ARK2C: variants seen among roughly 807,000 people sequenced by gnomAD.
ARK2C encodes the protein E3 ubiquitin-protein ligase ARK2C.
chr18:46,427,084 A>G, the ARK2C span, among the ~76,000 whole-genome samples: 1 of 152,360 alleles, frequency 6.6e-6, no homozygotes, highest in South Asian at 2.1e-4. Flanking sequence ...CCCAGGGGGC[A>G]AGGTGGATGT....
At chr18:46,378,315 A>G in the ARK2C span, among the ~76,000 whole-genome samples, 3 of 152,166 alleles carry the variant, frequency 2.0e-5, no homozygotes, top group African/African-American at 7.2e-5. Flanking sequence ...CAGATGGGAA[A>G]ACCGAGGCTG....
chr18:46,402,433 C>G, the ARK2C span, among the ~76,000 whole-genome samples: 179 of 152,322 alleles, frequency 1.2e-3, no homozygotes, highest in African/African-American at 4.1e-3. Flanking sequence ...GTAAATATAT[C>G]TCAATATTGC....
the ARK2C span, chr18:46,435,515 A>T: frequency 2.5e-6 from 2 of 790,994 alleles, no homozygotes; most frequent in Non-Finnish European, 4.2e-6. Context: ...CCTAGTTCTC[A>T]GGCCCCAGCG....
At chr18:46,371,082 G>T in the ARK2C span, among the ~76,000 whole-genome samples, 2 of 152,158 alleles carry the variant, frequency 1.3e-5, no homozygotes, top group East Asian at 3.8e-4. Context: ...CGTCTTACAT[G>T]GTGGCAGGCA....
chr18:46,390,196 C>T, the ARK2C span, among the ~76,000 whole-genome samples: 4 of 152,308 alleles, frequency 2.6e-5, no homozygotes, highest in African/African-American at 4.8e-5. Context: ...GGAACTGGGC[C>T]GATTCCTGCT....
the ARK2C span, among the ~76,000 whole-genome samples, chr18:46,411,744 G>C: frequency 6.6e-6 from 1 of 152,198 alleles, no homozygotes; most frequent in Non-Finnish European, 1.5e-5. Context: ...AGATACTTGG[G>C]GCTGCTCACC....
chr18:46,450,493 T>C, the ARK2C span: 1 of 1,000,662 alleles, frequency 1.0e-6, no homozygotes, highest in South Asian at 1.3e-5. Flanking sequence ...GTGAGTAGGG[T>C]ATGGGTGTCA....
the ARK2C span, among the ~76,000 whole-genome samples, chr18:46,367,606 C>A: frequency 1.3e-5 from 2 of 152,182 alleles, no homozygotes; most frequent in Non-Finnish European, 2.9e-5. Flanking sequence ...TGGACTGTAA[C>A]TTGGGTCTTA....
At chr18:46,413,582 G>A in the ARK2C span, among the ~76,000 whole-genome samples, 1 of 152,090 alleles carries the variant, frequency 6.6e-6, no homozygotes, top group Non-Finnish European at 1.5e-5. Flanking sequence ...TACCTGGGGA[G>A]AGAAGGTGAG....
the ARK2C span, among the ~76,000 whole-genome samples, chr18:46,383,176 G>T: frequency 1.3e-5 from 2 of 152,242 alleles, no homozygotes; most frequent in Non-Finnish European, 2.9e-5. Context: ...CTTCCAAAAA[G>T]GGAGATGCCG....
chr18:46,403,262 A>C, the ARK2C span, among the ~76,000 whole-genome samples: 1 of 152,204 alleles, frequency 6.6e-6, no homozygotes, highest in Non-Finnish European at 1.5e-5. Context: ...TTCTGACCTG[A>C]TAAGCATGAC....
the ARK2C span, chr18:46,433,086 T>A: frequency 1.3e-6 from 1 of 772,752 alleles, no homozygotes; most frequent in South Asian, 1.9e-5. Flanking sequence ...CTAATGTAGG[T>A]CTTGAGCTTC....
chr18:46,421,897 C>G, the ARK2C span, among the ~76,000 whole-genome samples: 4 of 152,306 alleles, frequency 2.6e-5, no homozygotes, highest in South Asian at 8.3e-4. Context: ...GGAAGCATCA[C>G]AAAGCTGCTC....
At chr18:46,379,843 G>T in the ARK2C span, among the ~76,000 whole-genome samples, 1 of 152,372 alleles carries the variant, frequency 6.6e-6, no homozygotes, top group Non-Finnish European at 1.5e-5. Context: ...CTGAGAGGGT[G>T]CCCCTTGCTA....
the ARK2C span, among the ~76,000 whole-genome samples, chr18:46,344,974 G>A: frequency 6.6e-6 from 1 of 152,226 alleles, no homozygotes. Context: ...GGACGGAGGG[G>A]GACATCAGAC....
At chr18:46,363,780 G>A in the ARK2C span, among the ~76,000 whole-genome samples, 62 of 152,148 alleles carry the variant, frequency 4.1e-4, no homozygotes, top group African/African-American at 1.5e-3. Context: ...TTTAAGGTTG[G>A]GTCTCCTTGG....
the ARK2C span, among the ~76,000 whole-genome samples, chr18:46,384,033 T>C: frequency 6.6e-6 from 1 of 152,222 alleles, no homozygotes; most frequent in Admixed American, 6.5e-5. Context: ...TTTCAAAGTT[T>C]TGGATATTTT....
chr18:46,366,647 G>A, the ARK2C span, among the ~76,000 whole-genome samples: 1 of 152,168 alleles, frequency 6.6e-6, no homozygotes, highest in African/African-American at 2.4e-5. Flanking sequence ...GGAATAGTAG[G>A]GTTTCTGAGA....
the ARK2C span, chr18:46,461,681 A>C: frequency 6.8e-6 from 1 of 146,870 alleles, no homozygotes; most frequent in Non-Finnish European, 1.5e-5. Context: ...GGAAAGAGGG[A>C]GAAAGGATTG....
Sources: gnomAD v4.1 joint callset for allele counts (sites outside exome capture counted in the v4.1 genomes callset) on GRCh38, gnomAD v4.1.1 for gene constraint, MANE v1.5 for transcripts, NCBI Gene and HGNC (gene_info 2026-07-23, HGNC 2026-07-21) for gene names.